BRAF: variants seen among roughly 807,000 people sequenced by gnomAD.
BRAF encodes the protein serine/threonine-protein kinase B-raf.
Under a neutral mutation model 104.6 loss-of-function variants are expected in BRAF, and 16 were observed. The ratio of observed to expected loss-of-function variants is 0.15; its 90% CI spans 0.10 to 0.23. The LOEUF (loss-of-function observed/expected upper bound fraction) is 0.23, where lower values mean the gene tolerates loss of function less well. BRAF is among the 10% of genes least tolerant of loss of function. The probability of loss-of-function intolerance (pLI) is 1.00; values close to 1 mark genes in which losing one functional copy is unlikely to be tolerated. For synonymous variants in BRAF, 310 were observed against 341.6 expected, an observed-to-expected ratio of 0.91 and a Z score of 1.02; for missense variants, 541 against 937.3, an observed-to-expected ratio of 0.58 and a Z score of 5.52.
At chr7:140,798,102 C>T (rs1802673750) in intron 7 of BRAF, among the ~76,000 whole-genome samples, 2 of 152,000 alleles carry the variant, frequency 1.3e-5, no homozygotes, top group Non-Finnish European at 2.9e-5. Context: ...CAAAGTTGTA[C>T]TGAAAATGTC....
intron 2 of BRAF, among the ~76,000 whole-genome samples, chr7:140,839,406 T>C (rs772920248): frequency 1.3e-5 from 2 of 152,130 alleles, no homozygotes; most frequent in Non-Finnish European, 2.9e-5. Flanking sequence ...TCTTTCCTCC[T>C]CCTCCCCACT....
chr7:140,904,648 T>G (rs1304719213), intron 1 of BRAF, among the ~76,000 whole-genome samples: 2 of 152,178 alleles, frequency 1.3e-5, no homozygotes, highest in Non-Finnish European at 2.9e-5. Flanking sequence ...AGTCTCGCTC[T>G]CTCAGACTGG....
Position 140,721,449 on chromosome 7 carries a change from CCAAA to C in BRAF, c.*5041_*5044del, listed in dbSNP as rs537631724. ...TGAATTTCAATTTAAATGTCTTTGC[CCAAA>C]CAAAAGTGAAAATAGGTTATTTGAA... On this transcript the variant is annotated 3_prime_UTR_variant, in exon 20 of 20. Transcript: ENST00000644969. 8,905 of 1,262,812 alleles carry C rather than the reference CCAAA, an allele frequency of 7.1e-3. 34 individuals are homozygous for C. The highest frequency in any genetic ancestry group is 0.014 in the Middle Eastern group (62 of 4,352). The allele number at this position is 1,262,812 out of a possible 1,614,324, so 78.2% of individuals were successfully genotyped here. A position where few individuals can be genotyped will look rare whatever the true frequency, so the allele number is the denominator to read the frequency against.
At chr7:140,912,694 C>G (rs555309384) in intron 1 of BRAF, among the ~76,000 whole-genome samples, 2 of 152,280 alleles carry the variant, frequency 1.3e-5, no homozygotes, top group Admixed American at 1.3e-4. Flanking sequence ...ATCAAAACAT[C>G]TCCTTCAATA....
chr7:140,857,555 C>G (rs1447634364), intron 1 of BRAF, among the ~76,000 whole-genome samples: 2 of 152,034 alleles, frequency 1.3e-5, no homozygotes, highest in Non-Finnish European at 2.9e-5. Context: ...CCTAAATAAG[C>G]ATTTAGGTTT....
At position 140,725,171 on chromosome 7, in the gene BRAF, T is replaced by TGGCCC. The variant is rs1795531309; in HGVS notation, c.*1322_*1323insGGGCC. 1.1e-5 allele frequency: 11 copies of TGGCCC among 1,042,952 alleles called. No individual in the cohort carries two copies. The highest frequency in any genetic ancestry group is 1.0e-5 in the Non-Finnish European group (9 of 865,168). 64.6% of individuals were successfully genotyped at this position (1,042,952 alleles called of 1,614,324 possible). A position where few individuals can be genotyped will look rare whatever the true frequency, so the allele number is the denominator to read the frequency against. On this transcript the variant is annotated 3_prime_UTR_variant, in exon 20 of 20. Coordinates refer to ENST00000644969, the MANE Select transcript of BRAF (RefSeq NM_001374258.1). ...AGACGCCACCATTTTTATTTTAGGT[T>TGGCCC]GCATATTCTAGATAAAAGACTAGAA...
Position 140,725,098 on chromosome 7 carries a change from C to T in BRAF, c.*1396G>A, listed in dbSNP as rs779214745. ...GGAATTCAGCTGCCAAATTGCCCAA[C>T]CTTTTGAAGACCAGGCTTGGGAAAA... On this transcript the variant is annotated 3_prime_UTR_variant, in exon 20 of 20. Coordinates refer to ENST00000644969, the MANE Select transcript of BRAF (RefSeq NM_001374258.1). 1 of 1,044,076 alleles carries T rather than the reference C, an allele frequency of 9.6e-7. No homozygotes were observed. Among genetic ancestry groups the T allele is most frequent in the Non-Finnish European group, 1.2e-6 (1 of 865,982 alleles). The allele number at this position is 1,044,076 out of a possible 1,614,324, so 64.7% of individuals were successfully genotyped here.
rs749454942 is a variant in BRAF at position 140,777,847 on chromosome 7, C to T, written c.1637+144G>A. 203 of 855,350 alleles carry T rather than the reference C, an allele frequency of 2.4e-4. 3 individuals are homozygous for T. The highest frequency in any genetic ancestry group is 1.8e-3 in the South Asian group (125 of 68,862). The allele number at this position is 855,350 out of a possible 1,614,324, so 53.0% of individuals were successfully genotyped here. A position where few individuals can be genotyped will look rare whatever the true frequency, so the allele number is the denominator to read the frequency against. On this transcript the variant is annotated intron_variant, in intron 13 of 19. Transcript: ENST00000644969. ...CTACTTAAAAGAATGTGGTTAAAGA[C>T]AAAAATATACTCAGACATACTCTGT...
intron 1 of BRAF, among the ~76,000 whole-genome samples, chr7:140,892,558 T>G (rs983685582): frequency 3.9e-5 from 6 of 152,232 alleles, no homozygotes; most frequent in Admixed American, 3.3e-4. Context: ...AACCTATCTT[T>G]GGGAGAACAC....
chr7:140,765,384 C>T (rs1178967626), intron 14 of BRAF, among the ~76,000 whole-genome samples: 5 of 151,998 alleles, frequency 3.3e-5, no homozygotes, highest in Non-Finnish European at 5.9e-5. Flanking sequence ...AGGACATAGG[C>T]ATGGGCAAGG....
chr7:140,734,356 G>A (rs1373798428), intron 19 of BRAF: 3 of 1,354,366 alleles, frequency 2.2e-6, no homozygotes, highest in South Asian at 1.6e-5. Context: ...AAAGCCTCTA[G>A]AAGAGGCTCT....
At chr7:140,911,316 G>C (rs1816944261) in intron 1 of BRAF, among the ~76,000 whole-genome samples, 1 of 152,148 alleles carries the variant, frequency 6.6e-6, no homozygotes, top group South Asian at 2.1e-4. Context: ...ATGCAAATTT[G>C]AAGTGCACAG....
chr7:140,901,613 A>G (rs893987787), intron 1 of BRAF, among the ~76,000 whole-genome samples: 4 of 152,216 alleles, frequency 2.6e-5, no homozygotes, highest in African/African-American at 9.6e-5. Context: ...TAACATACTC[A>G]GTCTTCCAAT....
chr7:140,828,573 A>C (rs554840687), intron 3 of BRAF, among the ~76,000 whole-genome samples: 1 of 152,344 alleles, frequency 6.6e-6, no homozygotes, highest in African/African-American at 2.4e-5. Context: ...TCCTTTTCTC[A>C]ATTATAATAC....
chr7:140,814,602 T>C (rs1409802123), intron 3 of BRAF, among the ~76,000 whole-genome samples: 1 of 151,224 alleles, frequency 6.6e-6, no homozygotes, highest in African/African-American at 2.4e-5. Context: ...GAGGCGGAGG[T>C]TGTAGTGAGC....
At chr7:140,913,469 CT>C (rs369746551) in intron 1 of BRAF, among the ~76,000 whole-genome samples, 1,827 of 56,722 alleles carry the variant, frequency 0.032, 4 homozygotes, top group African/African-American at 0.13. Context: ...TTAATCACAG[CT>C]TTTTTTTTTT....
intron 14 of BRAF, among the ~76,000 whole-genome samples, chr7:140,758,613 C>A (rs868730176): frequency 2.6e-5 from 4 of 151,976 alleles, no homozygotes; most frequent in Non-Finnish European, 5.9e-5. Flanking sequence ...CGCCACCATG[C>A]CTGGATAATT....
In BRAF at chr7:140,807,972, T is replaced by C; in HGVS notation, c.699A>G (p.Thr233=). The change falls in exon 5 of 20, where the codon ACA becomes ACG. Residue 233 remains threonine (T), a synonymous_variant. Transcript: ENST00000644969. ...TAAAGATACATACAAAGTTGTGTGT[T>C]GTAAGTGGAACATTCTCCAACACTT... ...HVEVLENVPL[T]THNFVRKTFF... 1 of 1,611,970 alleles carries C rather than the reference T, an allele frequency of 6.2e-7. No homozygotes were observed. Among genetic ancestry groups the C allele is most frequent in the Non-Finnish European group, 8.5e-7 (1 of 1,178,268 alleles).
Position 140,908,989 on chromosome 7 carries a change from C to CTT in BRAF, c.138+15575_138+15576dup, listed in dbSNP as rs1224922004. 9.1e-4 allele frequency among the ~76,000 whole-genome samples: 109 copies of CTT among 120,190 alleles called. 1 individual carries two copies. Among genetic ancestry groups the CTT allele is most frequent in the African/African-American group, 1.5e-3 (52 of 34,934 alleles). 78.8% of individuals were successfully genotyped at this position (120,190 alleles called of 152,430 possible). ...CAGCTCTGCAACTGCTCTACGTTTTCTTTTTTTTTTTTTTTTTTTAATACT... is the reference window on the plus strand; with the variant it reads ...CAGCTCTGCAACTGCTCTACGTTTTCTTTTTTTTTTTTTTTTTTTTTAATACT... On this transcript the variant is annotated intron_variant, in intron 1 of 19. Transcript: ENST00000644969.
Sources: allele counts gnomAD v4.1 joint callset (sites outside exome capture counted in the v4.1 genomes callset), GRCh38; gene constraint gnomAD v4.1.1; transcripts MANE v1.5; gene names NCBI Gene and HGNC (gene_info 2026-07-23, HGNC 2026-07-21).